Variants in CEP128 observed in about 807,000 individuals in gnomAD.
CEP128 encodes the protein centrosomal protein 128kDa.
In CEP128, 132 loss-of-function variants were observed where a neutral mutation model predicts 156.7. The ratio of observed to expected loss-of-function variants is 0.84; its 90% CI spans 0.73 to 0.97. CEP128 has a LOEUF of 0.97. Ranked by LOEUF, CEP128 falls within the 50% of genes least tolerant of loss-of-function variation. The pLI, the probability that CEP128 is intolerant of heterozygous loss-of-function variation, is 0.00. For synonymous variants in CEP128, 469 were observed against 448.9 expected (o/e 1.04, Z -0.57); for missense variants, 1,252 against 1,281.9 (o/e 0.98, Z 0.36).
chr14:80,547,140 T>A (rs1890018433), intron 21 of CEP128, among the ~76,000 whole-genome samples: 1 of 152,146 alleles, frequency 6.6e-6, no homozygotes, highest in African/African-American at 2.4e-5. Context: ...GAACTAGTAA[T>A]GCAATCTAGG....
At chr14:80,921,701 T>C (rs769330665) in intron 2 of CEP128, among the ~76,000 whole-genome samples, 29 of 152,288 alleles carry the variant, frequency 1.9e-4, no homozygotes, top group Non-Finnish European at 3.4e-4. Flanking sequence ...CAGTGGCTCA[T>C]GCCTGTTATC....
chr14:80,810,279 C>T (rs530904165), intron 13 of CEP128, among the ~76,000 whole-genome samples: 23 of 136,110 alleles, frequency 1.7e-4, no homozygotes, highest in African/African-American at 4.6e-4. Context: ...GCCGAGATCG[C>T]GCCATTGCAC....
At position 80,895,712 on chromosome 14, in the gene CEP128, T is replaced by C; in HGVS notation, c.645+6A>G. The C allele has an allele frequency of 6.5e-7, 1 of 1,541,726 alleles. No homozygotes were observed. The highest frequency in any genetic ancestry group is 8.7e-7 in the Non-Finnish European group (1 of 1,143,442). The stretch of plus-strand genomic sequence containing the variant: ...ATAAAACTTTTTATTAAAAAAGAGA[T>C]CTCACCACTTCTTGTTTCTGGGCTT... On this transcript the variant is annotated splice_donor_region_variant and intron_variant, in intron 8 of 24. Transcript: ENST00000555265.
At chr14:80,856,557 T>C (rs912406932) in intron 9 of CEP128, among the ~76,000 whole-genome samples, 3 of 151,680 alleles carry the variant, frequency 2.0e-5, no homozygotes, top group Admixed American at 1.3e-4. Flanking sequence ...GGTAGAAGGA[T>C]CGCTTGAGCC....
intron 4 of CEP128, among the ~76,000 whole-genome samples, chr14:80,909,371 T>TCA (rs36082524): frequency 0.085 from 12,056 of 142,330 alleles, 1,092 homozygotes; most frequent in African/African-American, 0.24. Context: ...AAGTGAATTT[T>TCA]CACACACACA....
intron 15 of CEP128, among the ~76,000 whole-genome samples, chr14:80,779,396 C>T (rs1900978168): frequency 6.6e-6 from 1 of 152,122 alleles, no homozygotes; most frequent in South Asian, 2.1e-4. Flanking sequence ...TTTTTATGAG[C>T]AATCCTATAT....
At chr14:80,834,646 T>C (rs1427478759) in intron 12 of CEP128, among the ~76,000 whole-genome samples, 1 of 152,210 alleles carries the variant, frequency 6.6e-6, no homozygotes, top group Non-Finnish European at 1.5e-5. Flanking sequence ...TCAATATTTT[T>C]AGTCCTCAAA....
intron 2 of CEP128, among the ~76,000 whole-genome samples, chr14:80,926,461 G>C (rs1326311530): frequency 6.6e-6 from 1 of 152,146 alleles, no homozygotes; most frequent in Admixed American, 6.5e-5. Flanking sequence ...CCTGCGACCA[G>C]GGAACTGCCC....
chr14:80,700,222 T>G (rs1284255135), intron 19 of CEP128, among the ~76,000 whole-genome samples: 1 of 152,138 alleles, frequency 6.6e-6, no homozygotes, highest in Non-Finnish European at 1.5e-5. Context: ...GCCAAAATAA[T>G]GCTGAAGGAG....
chr14:80,880,736 G>A (rs1310286069), intron 8 of CEP128, among the ~76,000 whole-genome samples: 18 of 150,120 alleles, frequency 1.2e-4, no homozygotes, highest in East Asian at 3.9e-4. Context: ...GGTGGTGGGC[G>A]CCTGTAGTCC....
chr14:80,922,748 A>T (rs1884940889), intron 2 of CEP128, among the ~76,000 whole-genome samples: 1 of 152,210 alleles, frequency 6.6e-6, no homozygotes, highest in Non-Finnish European at 1.5e-5. Context: ...TTAGATAAGA[A>T]ATTTACCCTC....
intron 19 of CEP128, among the ~76,000 whole-genome samples, chr14:80,642,993 A>T (rs1476694580): frequency 1.3e-5 from 2 of 152,106 alleles, no homozygotes; most frequent in East Asian, 3.9e-4. Flanking sequence ...TGACCTCGTG[A>T]TCTGCCTGCC....
chr14:80,497,404 G>T lies in CEP128; in HGVS notation c.*75C>A. ...CAGGTATGTCTGTTAGATAATCTGG[G>T]CCAAATTGCTGTAAGAATAGAGATG... On this transcript the variant is annotated 3_prime_UTR_variant, in exon 25 of 25. Coordinates refer to ENST00000555265, the MANE Select transcript of CEP128 (RefSeq NM_152446.5). 9.9e-7 allele frequency: 1 copy of T among 1,009,470 alleles called. No homozygotes were observed. The highest frequency in any genetic ancestry group is 1.6e-5 in the African/African-American group (1 of 62,080). The allele number at this position is 1,009,470 out of a possible 1,614,324, so 62.5% of individuals were successfully genotyped here. A position where few individuals can be genotyped will look rare whatever the true frequency, so the allele number is the denominator to read the frequency against.
In CEP128 at chr14:80,763,925, G is replaced by C. The variant is rs114139772; in HGVS notation, c.2377-2312C>G. Among the ~76,000 whole-genome samples, 1,122 of 152,238 alleles carry C rather than the reference G, an allele frequency of 7.4e-3. 15 individuals carry two copies. The highest frequency in any genetic ancestry group is 0.025 in the African/African-American group (1,048 of 41,540). Reference sequence around the variant, plus strand: ...GGTGCAGTATTTTCATGGTCTGATAGTAATAAAGAAAATAAATACCCTATC... The same window carrying C: ...GGTGCAGTATTTTCATGGTCTGATACTAATAAAGAAAATAAATACCCTATC... On this transcript the variant is annotated intron_variant, in intron 16 of 24. Coordinates refer to ENST00000555265, the MANE Select transcript of CEP128 (RefSeq NM_152446.5).
chr14:80,788,189 T>C (rs1901511806), intron 14 of CEP128, among the ~76,000 whole-genome samples: 1 of 151,886 alleles, frequency 6.6e-6, no homozygotes, highest in African/African-American at 2.4e-5. Context: ...TTTACTGTCA[T>C]CTCAATACCC....
At chr14:80,771,356 G>A (rs1900501607) in intron 16 of CEP128, among the ~76,000 whole-genome samples, 1 of 152,150 alleles carries the variant, frequency 6.6e-6, no homozygotes, top group Admixed American at 6.5e-5. Context: ...TTTCTATGCA[G>A]TGTTGAGCAA....
chr14:80,875,229 C>A (rs1247780454), intron 8 of CEP128, among the ~76,000 whole-genome samples: 1 of 152,124 alleles, frequency 6.6e-6, no homozygotes, highest in Non-Finnish European at 1.5e-5. Flanking sequence ...TAAGGGTGAA[C>A]CAGAAATACT....
At chr14:80,655,468 T>C (rs1895090964) in intron 19 of CEP128, among the ~76,000 whole-genome samples, 1 of 152,210 alleles carries the variant, frequency 6.6e-6, no homozygotes, top group Non-Finnish European at 1.5e-5. Flanking sequence ...TATAAGCACA[T>C]GTATTCCTGT....
At chr14:80,906,818 C>T (rs1049481172) in intron 4 of CEP128, among the ~76,000 whole-genome samples, 6 of 151,940 alleles carry the variant, frequency 3.9e-5, no homozygotes, top group Non-Finnish European at 8.8e-5. Context: ...GACTAAGACC[C>T]AAGGGAAAAA....
Sources: gnomAD v4.1 joint callset for allele counts (sites outside exome capture counted in the v4.1 genomes callset) on GRCh38, gnomAD v4.1.1 for gene constraint, MANE v1.5 for transcripts, NCBI Gene and HGNC (gene_info 2026-07-23, HGNC 2026-07-21) for gene names.